BCKDHB: variants seen among roughly 807,000 people sequenced by gnomAD.
BCKDHB encodes the protein 2-oxoisovalerate dehydrogenase subunit beta, mitochondrial.
Under a neutral mutation model 48.5 loss-of-function variants are expected in BCKDHB, and 41 were observed. The ratio of observed to expected loss-of-function variants is 0.85; its 90% CI spans 0.66 to 1.10. The LOEUF (loss-of-function observed/expected upper bound fraction) is 1.10. BCKDHB is among the 50% of genes least tolerant of loss of function. The pLI is 0.00. For missense variants in BCKDHB, 496 were observed against 494.2 expected (o/e 1.00, Z -0.03); for synonymous variants, 201 against 174.8 (o/e 1.15, Z -1.18).
chr6:80,374,002 T>C, the BCKDHB span: 1 of 614,280 alleles, frequency 1.6e-6, no homozygotes, highest in African/African-American at 1.8e-5. Flanking sequence ...TTGCATTTAT[T>C]TTAATGCTGA....
At chr6:80,338,029 C>A (rs554083769) in intron 9 of BCKDHB, among the ~76,000 whole-genome samples, 1 of 152,270 alleles carries the variant, frequency 6.6e-6, no homozygotes, top group Admixed American at 6.5e-5. Flanking sequence ...TTTCCGATCT[C>A]ACTTTGAACT....
At chr6:80,385,087 T>C in the BCKDHB span, among the ~76,000 whole-genome samples, 3 of 152,164 alleles carry the variant, frequency 2.0e-5, no homozygotes, top group Admixed American at 6.6e-5. Flanking sequence ...ATACATAATA[T>C]CTTTGACCAT....
intron 9 of BCKDHB, among the ~76,000 whole-genome samples, chr6:80,316,029 C>T (rs1464418690): frequency 1.3e-5 from 2 of 152,140 alleles, no homozygotes; most frequent in Non-Finnish European, 2.9e-5. Context: ...AAATATCTTT[C>T]GGGGATCTTC....
At chr6:80,433,674 T>C in the BCKDHB span, among the ~76,000 whole-genome samples, 1 of 152,116 alleles carries the variant, frequency 6.6e-6, no homozygotes, top group Non-Finnish European at 1.5e-5. Flanking sequence ...AGTGAAGGGT[T>C]CTGTCTCATT....
intron 9 of BCKDHB, among the ~76,000 whole-genome samples, chr6:80,293,150 G>A (rs1207440426): frequency 6.6e-6 from 1 of 152,126 alleles, no homozygotes; most frequent in Non-Finnish European, 1.5e-5. Flanking sequence ...GCTCCACTAG[G>A]GAGCACCCCA....
At chr6:80,449,885 TC>T in the BCKDHB span, among the ~76,000 whole-genome samples, 1 of 152,238 alleles carries the variant, frequency 6.6e-6, no homozygotes, top group Non-Finnish European at 1.5e-5. Context: ...AGCTTTTTTT[TC>T]TTCTTCTTTT....
the BCKDHB span, among the ~76,000 whole-genome samples, chr6:80,398,378 G>A: frequency 9.2e-5 from 14 of 152,054 alleles, no homozygotes; most frequent in African/African-American, 3.4e-4. Context: ...AATACAATTA[G>A]AAACTACAAA....
At chr6:80,355,413 A>AAG in the BCKDHB span, 1 of 151,334 alleles carries the variant, frequency 6.6e-6, no homozygotes, top group East Asian at 1.9e-4. Context: ...AAAAAAAAAA[A>AAG]AAAAAAAGGA....
At chr6:80,423,062 A>G in the BCKDHB span, among the ~76,000 whole-genome samples, 3 of 152,158 alleles carry the variant, frequency 2.0e-5, no homozygotes, top group African/African-American at 4.8e-5. Flanking sequence ...TAATCCCCAC[A>G]TGTCGAGGGA....
chr6:80,129,110 A>G (rs1362609295), intron 2 of BCKDHB, 51 bp from the exon 3 acceptor site: 2 of 1,262,566 alleles, frequency 1.6e-6, no homozygotes, highest in Non-Finnish European at 2.3e-6. Flanking sequence ...CATTGTTAGT[A>G]TTATTTAGAG....
chr6:80,369,830 G>A, the BCKDHB span, among the ~76,000 whole-genome samples: 6 of 152,120 alleles, frequency 3.9e-5, no homozygotes, highest in Admixed American at 2.6e-4. Context: ...ATTCAAACCT[G>A]CATTCTGGTG....
chr6:80,212,982 A>C (rs1775009438), intron 8 of BCKDHB, among the ~76,000 whole-genome samples: 1 of 152,176 alleles, frequency 6.6e-6, no homozygotes, highest in South Asian at 2.1e-4. Context: ...TGACAGCAGA[A>C]ATTTTTGTCT....
intron 8 of BCKDHB, among the ~76,000 whole-genome samples, chr6:80,240,525 G>T (rs1280607393): frequency 6.6e-6 from 1 of 152,098 alleles, no homozygotes; most frequent in Non-Finnish European, 1.5e-5. Context: ...TTTTGTATCG[G>T]ACTTTACTGA....
chr6:80,334,258 A>T (rs1562236452), intron 9 of BCKDHB, among the ~76,000 whole-genome samples: 3 of 152,098 alleles, frequency 2.0e-5, no homozygotes, highest in Admixed American at 6.6e-5. Flanking sequence ...CAATTGCTAG[A>T]TGTGTTTTAA....
At chr6:80,176,056 C>T (rs976218857) in intron 6 of BCKDHB, among the ~76,000 whole-genome samples, 2 of 152,144 alleles carry the variant, frequency 1.3e-5, no homozygotes, top group Non-Finnish European at 1.5e-5. Context: ...ACCGGGTAGG[C>T]GGCTGTTTGA....
At position 80,171,137 on chromosome 6, in the gene BCKDHB, T is replaced by C. The variant is rs529779730; in HGVS notation, c.634-145T>C. ...ATTTTTATATAATATGTAAACTTAA[T>C]AAGTGATAATTAGGCTTAAAATAAA... On this transcript the variant is annotated intron_variant, in intron 5 of 9. Coordinates refer to ENST00000320393, the MANE Select transcript of BCKDHB (RefSeq NM_183050.4). The C allele has an allele frequency of 1.2e-5, 7 of 576,368 alleles. No homozygotes were observed. In the South Asian group the frequency reaches 1.7e-4, roughly 14 times the overall value. 35.7% of individuals were successfully genotyped at this position (576,368 alleles called of 1,614,324 possible). A position where few individuals can be genotyped will look rare whatever the true frequency, so the allele number is the denominator to read the frequency against.
At chr6:80,401,203 C>G in the BCKDHB span, among the ~76,000 whole-genome samples, 20,471 of 151,566 alleles carry the variant, frequency 0.14, 2,034 homozygotes, top group African/African-American at 0.27. Context: ...AAATGTACAC[C>G]TGAAACTAAT....
intron 9 of BCKDHB, among the ~76,000 whole-genome samples, chr6:80,278,878 C>A (rs927317234): frequency 6.6e-6 from 1 of 152,140 alleles, no homozygotes; most frequent in African/African-American, 2.4e-5. Flanking sequence ...ACTCTTGAAA[C>A]CTTCAAATTT....
intron 3 of BCKDHB, among the ~76,000 whole-genome samples, chr6:80,141,476 T>G (rs559069679): frequency 1.6e-4 from 25 of 152,252 alleles, no homozygotes; most frequent in Non-Finnish European, 2.8e-4. Context: ...GTTTTCAATT[T>G]AATTGATTAC....
Sources: allele counts gnomAD v4.1 joint callset (sites outside exome capture counted in the v4.1 genomes callset), GRCh38; gene constraint gnomAD v4.1.1; transcripts MANE v1.5; gene names NCBI Gene and HGNC (gene_info 2026-07-23, HGNC 2026-07-21).